The following CABCOCO1 variants were observed in gnomAD, a reference collection of about 807,000 sequenced individuals.
The protein encoded by CABCOCO1 is ciliary-associated calcium-binding coiled-coil protein 1.
Under a neutral mutation model 35.7 loss-of-function variants are expected in CABCOCO1, and 28 were observed. The observed-to-expected ratio is 0.78, with a 90% CI of 0.58 to 1.07. The LOEUF (loss-of-function observed/expected upper bound fraction) is 1.07. Ranked by LOEUF, CABCOCO1 falls within the 50% of genes least tolerant of loss-of-function variation. The probability of loss-of-function intolerance (pLI) is 0.00; values close to 1 mark genes in which losing one functional copy is unlikely to be tolerated. For synonymous variants in CABCOCO1, 95 were observed against 100.1 expected (o/e 0.95, Z 0.30); for missense variants, 326 against 309.2 (o/e 1.05, Z -0.41).
chr10:61,751,321 G>A (rs971509151), intron 5 of CABCOCO1, among the ~76,000 whole-genome samples: 4 of 150,352 alleles, frequency 2.7e-5, no homozygotes, highest in African/African-American at 9.8e-5. Context: ...GCTGGAGCTC[G>A]AGATCTGTGA....
intron 5 of CABCOCO1, among the ~76,000 whole-genome samples, chr10:61,703,525 T>C (rs12761157): frequency 6.6e-6 from 1 of 152,032 alleles, no homozygotes; most frequent in African/African-American, 2.4e-5. Flanking sequence ...TATAACATAC[T>C]AATATTCATG....
intron 5 of CABCOCO1, among the ~76,000 whole-genome samples, chr10:61,743,425 T>A (rs1332831924): frequency 6.6e-6 from 1 of 152,192 alleles, no homozygotes; most frequent in Non-Finnish European, 1.5e-5. Flanking sequence ...AGCACTCGAC[T>A]AAATTTCACT....
chr10:61,675,335 T>A (rs1386067153), intron 2 of CABCOCO1, among the ~76,000 whole-genome samples: 1 of 152,136 alleles, frequency 6.6e-6, no homozygotes, highest in East Asian at 1.9e-4. Flanking sequence ...CCTCCCTACA[T>A]AATCTCCTTT....
intron 5 of CABCOCO1, among the ~76,000 whole-genome samples, chr10:61,724,486 T>A (rs1183150246): frequency 1.3e-5 from 2 of 152,208 alleles, no homozygotes; most frequent in Non-Finnish European, 2.9e-5. Flanking sequence ...TTTATCTTAA[T>A]ATCTGATAAA....
chr10:61,702,305 A>G (rs1840479014), intron 5 of CABCOCO1, among the ~76,000 whole-genome samples: 2 of 152,256 alleles, frequency 1.3e-5, no homozygotes, highest in South Asian at 4.1e-4. Flanking sequence ...ATTTTGTCCT[A>G]TTCTTCCCAT....
chr10:61,764,571 A>G (rs750162961), intron 7 of CABCOCO1, among the ~76,000 whole-genome samples: 1 of 152,108 alleles, frequency 6.6e-6, no homozygotes, highest in Non-Finnish European at 1.5e-5. Flanking sequence ...AGATCTTCCC[A>G]GTCCAAGATC....
chr10:61,749,720 A>C (rs926847498), intron 5 of CABCOCO1, among the ~76,000 whole-genome samples: 96 of 152,164 alleles, frequency 6.3e-4, no homozygotes, highest in Admixed American at 6.3e-3. Context: ...CCTTCCCCCT[A>C]AAGTTAGGTG....
intron 5 of CABCOCO1, among the ~76,000 whole-genome samples, chr10:61,748,161 GA>G (rs10680460): frequency 0.018 from 2,742 of 148,426 alleles, 48 homozygotes; most frequent in South Asian, 0.058. Flanking sequence ...AGATACGGGG[GA>G]AAAAAAAAAC....
intron 6 of CABCOCO1, among the ~76,000 whole-genome samples, 160 bp from the exon 7 acceptor site, chr10:61,760,703 T>A (rs1235496123): frequency 6.6e-6 from 1 of 152,076 alleles, no homozygotes; most frequent in Non-Finnish European, 1.5e-5. Flanking sequence ...AAAACCACCA[T>A]GGCACACGTA....
chr10:61,666,335 G>A (rs1425482225), intron 1 of CABCOCO1, among the ~76,000 whole-genome samples: 1 of 152,186 alleles, frequency 6.6e-6, no homozygotes, highest in Non-Finnish European at 1.5e-5. Context: ...CAATGTAAGT[G>A]AACACATTGT....
At chr10:61,723,991 C>A (rs202128096) in intron 5 of CABCOCO1, among the ~76,000 whole-genome samples, 1 of 152,086 alleles carries the variant, frequency 6.6e-6, no homozygotes, top group South Asian at 2.1e-4. Flanking sequence ...GCTTTAAAAA[C>A]CAAAACACAA....
chr10:61,748,299 T>C (rs755012986), intron 5 of CABCOCO1, among the ~76,000 whole-genome samples: 3 of 152,238 alleles, frequency 2.0e-5, no homozygotes, highest in African/African-American at 4.8e-5. Flanking sequence ...TATTTATTAT[T>C]TTCCCACTAT....
intron 5 of CABCOCO1, among the ~76,000 whole-genome samples, chr10:61,749,045 T>TA (rs1287584823): frequency 2.0e-5 from 3 of 152,256 alleles, no homozygotes; most frequent in Non-Finnish European, 2.9e-5. Flanking sequence ...AATCGGGCTA[T>TA]ATTTAATTTT....
At chr10:61,682,753 T>TTAG (rs1839833118) in intron 3 of CABCOCO1, among the ~76,000 whole-genome samples, 1 of 152,206 alleles carries the variant, frequency 6.6e-6, no homozygotes, top group Middle Eastern at 3.4e-3. Context: ...AGTGACTCCT[T>TTAG]AAGGACACAC....
At chr10:61,717,922 G>A (rs1343299718) in intron 5 of CABCOCO1, among the ~76,000 whole-genome samples, 1 of 152,168 alleles carries the variant, frequency 6.6e-6, no homozygotes, top group Non-Finnish European at 1.5e-5. Flanking sequence ...TAACCCAATA[G>A]CAGGGAAGAG....
chr10:61,700,160 TCTAA>T (rs1017478867), intron 5 of CABCOCO1, among the ~76,000 whole-genome samples: 1 of 152,074 alleles, frequency 6.6e-6, no homozygotes, highest in Non-Finnish European at 1.5e-5. Flanking sequence ...TTGGGAAATG[TCTAA>T]CTATTGTCAA....
chr10:61,723,801 T>C (rs1841079410), intron 5 of CABCOCO1, among the ~76,000 whole-genome samples: 1 of 152,162 alleles, frequency 6.6e-6, no homozygotes. Flanking sequence ...TGCAGTAACA[T>C]TGGAGGTTAA....
intron 5 of CABCOCO1, among the ~76,000 whole-genome samples, chr10:61,755,861 T>C (rs1324535545): frequency 3.9e-5 from 6 of 151,930 alleles, no homozygotes; most frequent in African/African-American, 1.4e-4. Flanking sequence ...TCAGATAAAA[T>C]CTTTATACCA....
intron 1 of CABCOCO1, among the ~76,000 whole-genome samples, chr10:61,670,902 C>A (rs1458737798): frequency 6.6e-6 from 1 of 152,210 alleles, no homozygotes; most frequent in Admixed American, 6.5e-5. Context: ...GTGACTCCAG[C>A]ATTTCTAACT....
Sources: gnomAD v4.1 joint callset for allele counts (sites outside exome capture counted in the v4.1 genomes callset) on GRCh38, gnomAD v4.1.1 for gene constraint, MANE v1.5 for transcripts, NCBI Gene and HGNC (gene_info 2026-07-23, HGNC 2026-07-21) for gene names.